Variants in ZMIZ2 observed in about 807,000 individuals in gnomAD.
ZMIZ2 encodes zinc finger MIZ domain-containing protein 2.
ZMIZ2 carries 26 observed loss-of-function variants against 93.9 expected under a neutral mutation model. The ratio of observed to expected loss-of-function variants is 0.28; its 90% confidence interval spans 0.20 to 0.38. The LOEUF (loss-of-function observed/expected upper bound fraction) is 0.38, where lower values mean the gene tolerates loss of function less well. ZMIZ2 is among the 10% of genes least tolerant of loss of function. ZMIZ2 has a pLI of 1.00. For missense variants in ZMIZ2, 1,023 were observed against 1,235.0 expected, an observed-to-expected ratio of 0.83 and a Z score of 2.57; for synonymous variants, 485 against 516.4, an observed-to-expected ratio of 0.94 and a Z score of 0.82.
intron 11 of ZMIZ2, among the ~76,000 whole-genome samples, chr7:44,762,390 A>G (rs1180448083): frequency 6.6e-6 from 1 of 152,214 alleles, no homozygotes; most frequent in Non-Finnish European, 1.5e-5. Flanking sequence ...CGGTTCTAGC[A>G]AGCATCAGGG....
rs1042085481 is a variant in ZMIZ2, at chr7:44,766,893, G to A, written c.2655+230G>A. ...GGGCCTGGATGCCGTACGGGCGGAC[G>A]CAGAGTCTCAGAGGAGACTGCACTG... On this transcript the variant is annotated intron_variant, in intron 18 of 18. Transcript: ENST00000309315. The surrounding 1 kb of genome is among the most constrained non-coding windows in gnomAD (Gnocchi z 4.4). 1.3e-5 allele frequency among the ~76,000 whole-genome samples: 2 copies of A among 152,164 alleles called. No homozygotes were observed. Among genetic ancestry groups the A allele is most frequent in the Non-Finnish European group, 2.9e-5 (2 of 68,032 alleles).
chr7:44,766,729 A>G lies in ZMIZ2; in HGVS notation c.2655+66A>G. The G allele has an allele frequency of 6.3e-7, 1 of 1,587,574 alleles. No homozygotes were observed. Among genetic ancestry groups the G allele is most frequent in the Non-Finnish European group, 8.6e-7 (1 of 1,163,946 alleles). On this transcript the variant is annotated intron_variant, in intron 18 of 18. Transcript: ENST00000309315. The surrounding 1 kb of genome is among the most constrained non-coding windows in gnomAD (Gnocchi z 4.4). ...GGGCTAGAGGTGGTGTGTCTGTTCC[A>G]GGTGCGTTCTGGAAGGGAAGACAGT...
At chr7:44,760,267 C>T (rs7788671) in intron 8 of ZMIZ2, 39 bp downstream of exon 8, 2 of 1,594,782 alleles carry the variant, frequency 1.3e-6, no homozygotes, top group Admixed American at 3.5e-5. Flanking sequence ...GGGAGGCTCA[C>T]AGGGTGGGCA....
chr7:44,767,489 T>A, intron 18 of ZMIZ2, 27 bp from the exon 19 acceptor site: 1 of 1,589,940 alleles, frequency 6.3e-7, no homozygotes, highest in Non-Finnish European at 8.6e-7. Context: ...TGACCAAAGC[T>A]GCTAACAGAG....
Position 44,761,295 on chromosome 7 carries a change from C to A in ZMIZ2, c.1241-154C>A. ...TGCCCATGGCCCCAGCCCCAGGGCA[C>A]CACTCAGGCCTGCCAAGCAGTGCCT... is the stretch of plus-strand genomic sequence containing the variant. On this transcript the variant is annotated intron_variant, in intron 9 of 18. Coordinates refer to ENST00000309315, the MANE Select transcript of ZMIZ2 (RefSeq NM_031449.4). This position sits in a 1 kb window ranked among gnomAD's most constrained non-coding sequence, Gnocchi z 5.8. The A allele has an allele frequency of 1.3e-6, 1 of 760,830 alleles. No homozygotes were observed. The highest frequency in any genetic ancestry group is 1.6e-6 in the Non-Finnish European group (1 of 624,958). 47.1% of individuals were successfully genotyped at this position (760,830 alleles called of 1,614,324 possible). A position where few individuals can be genotyped will look rare whatever the true frequency, so the allele number is the denominator to read the frequency against.
chr7:44,754,095 T>A (rs1364311554), intron 1 of ZMIZ2, among the ~76,000 whole-genome samples: 1 of 152,234 alleles, frequency 6.6e-6, no homozygotes, highest in African/African-American at 2.4e-5. Context: ...AGTCCTAAAA[T>A]CTGTGTATGG....
chr7:44,762,548 T>G (rs2116839255), intron 11 of ZMIZ2, among the ~76,000 whole-genome samples: 1 of 152,310 alleles, frequency 6.6e-6, no homozygotes, highest in Middle Eastern at 3.4e-3. Flanking sequence ...ACTGTGGATG[T>G]GCGAGCAGGG....
In ZMIZ2 at chr7:44,758,015, G is replaced by C. The variant is rs540210224; in HGVS notation, c.720G>C (p.Leu240Phe). 1 of 1,611,972 alleles carries C rather than the reference G, an allele frequency of 6.2e-7. No individual in the cohort carries two copies. The highest frequency in any genetic ancestry group is 1.1e-5 in the South Asian group (1 of 90,390). Residue 240 changes from leucine (L) to phenylalanine (F), a missense_variant, in exon 6 of 19, where the codon TTG becomes TTC. Leu to Phe is a conservative substitution (Grantham distance 22). Around this residue, in one of 3 missense-constraint regions of ZMIZ2, gnomAD observed 656 missense variants for 777.1 expected, o/e 0.84. Coordinates refer to ENST00000309315, the MANE Select transcript of ZMIZ2 (RefSeq NM_031449.4). ...NPTRAAGMTP[L>F]YAGQRLPQHG... Reference sequence around the variant, plus strand: ...CCCGGGCAGCAGGAATGACACCCTTGTATGCAGGGCAGCGTCTGCCCCAAC... The same window carrying C: ...CCCGGGCAGCAGGAATGACACCCTTCTATGCAGGGCAGCGTCTGCCCCAAC...
In ZMIZ2 at chr7:44,757,043, T is replaced by G; in HGVS notation, c.262T>G (p.Cys88Gly). 5 of 1,611,036 alleles carry G rather than the reference T, an allele frequency of 3.1e-6. No homozygotes were observed. Among genetic ancestry groups the G allele is most frequent in the Non-Finnish European group, 4.2e-6 (5 of 1,178,894 alleles). ...GGSSALTSPQ[C>G]LGQQAFAEGG... is the part of the protein sequence containing the mutation. The stretch of plus-strand genomic sequence containing the variant: ...CAGCTCCGCCTTGACCTCCCCACAG[T>G]GCCTGGGACAGCAGGCGTTTGCTGA... Residue 88 changes from cysteine to glycine, a missense_variant, in exon 4 of 19, where the codon TGC becomes GGC. Cys to Gly is a radical substitution (Grantham distance 159). Around this residue, in one of 3 missense-constraint regions of ZMIZ2, gnomAD observed 656 missense variants for 777.1 expected, o/e 0.84. Transcript: ENST00000309315.
intron 14 of ZMIZ2, 33 bp from the exon 15 acceptor site, chr7:44,764,908 G>T: frequency 6.2e-7 from 1 of 1,613,000 alleles, no homozygotes; most frequent in East Asian, 2.2e-5. Context: ...GTTGTGCAAG[G>T]TCTCTGAGCT....
Position 44,763,013 on chromosome 7 carries a change from C to T in ZMIZ2, c.1702+27C>T. On this transcript the variant is annotated intron_variant, in intron 12 of 18. Coordinates refer to ENST00000309315, the MANE Select transcript of ZMIZ2 (RefSeq NM_031449.4). This position sits in a 1 kb window ranked among gnomAD's most constrained non-coding sequence, Gnocchi z 5.6. Reference sequence around the variant, plus strand: ...TGAGTGGCTCCTGCCCCTCAGCTGCCAGGCAGCCATCCCCATTCTGTGTGG... The same window carrying T: ...TGAGTGGCTCCTGCCCCTCAGCTGCTAGGCAGCCATCCCCATTCTGTGTGG... 1 of 1,591,942 alleles carries T rather than the reference C, an allele frequency of 6.3e-7. No individual in the cohort carries two copies. The highest frequency in any genetic ancestry group is 8.6e-7 in the Non-Finnish European group (1 of 1,165,840).
chr7:44,748,596 G>A (rs1445195036), upstream of ZMIZ2: 2 of 152,610 alleles, frequency 1.3e-5, no homozygotes, highest in Non-Finnish European at 2.9e-5. Context: ...CGAGCAGGAA[G>A]AGCGCAGTGG....
chr7:44,758,938 C>T (rs1223935972), intron 6 of ZMIZ2, among the ~76,000 whole-genome samples: 8 of 150,336 alleles, frequency 5.3e-5, no homozygotes, highest in East Asian at 3.9e-4. Context: ...AAAAATTAGC[C>T]GGGCGTGGTG....
rs532673611 is a variant in ZMIZ2 at position 44,761,995 on chromosome 7, T to G, written c.1596+90T>G. On this transcript the variant is annotated intron_variant, in intron 11 of 18. Transcript: ENST00000309315. The surrounding 1 kb of genome is among the most constrained non-coding windows in gnomAD (Gnocchi z 5.8). ...AGCGGTGCCGTGGGGTGGGGCGGGG[T>G]GTGGGCGGGGCCTGGCCCAGCGGCG... The G allele has an allele frequency of 1.5e-4, 37 of 250,522 alleles. No homozygotes were observed. Among genetic ancestry groups the G allele is most frequent in the African/African-American group, 2.0e-4 (6 of 30,500 alleles). The allele number at this position is 250,522 out of a possible 1,614,324, so 15.5% of individuals were successfully genotyped here.
intron 1 of ZMIZ2, among the ~76,000 whole-genome samples, chr7:44,752,747 C>G (rs1790265365): frequency 6.6e-6 from 1 of 152,210 alleles, no homozygotes; most frequent in African/African-American, 2.4e-5. Context: ...TGATTTAACT[C>G]TTCATCCATT....
Position 44,763,571 on chromosome 7 carries a change from G to C in ZMIZ2, c.1860+158G>C. ...CACGCCAAGGAGGCAGGTGGGCCTG[G>C]CTCCCCCAAGACTAGGCTATTTTTT... On this transcript the variant is annotated intron_variant, in intron 13 of 18. Transcript: ENST00000309315. The surrounding 1 kb of genome is among the most constrained non-coding windows in gnomAD (Gnocchi z 5.6). 6 of 958,446 alleles carry C rather than the reference G, an allele frequency of 6.3e-6. No individual in the cohort carries two copies. The highest frequency in any genetic ancestry group is 9.1e-6 in the Non-Finnish European group (6 of 656,910). The allele number at this position is 958,446 out of a possible 1,614,324, so 59.4% of individuals were successfully genotyped here.
In ZMIZ2 at chr7:44,756,959, C is replaced by T. The variant is rs755613971; in HGVS notation, c.178C>T (p.Pro60Ser). The part of the protein sequence containing the change: ...NATQSQVLGN[P>S]MGPAGSPSGS... Reference sequence around the variant, plus strand: ...TGCTTCCTCATAGGTTTTGGGGAACCCCATGGGCCCTGCAGGGAGTCCCTC... The same window carrying T: ...TGCTTCCTCATAGGTTTTGGGGAACTCCATGGGCCCTGCAGGGAGTCCCTC... Residue 60 changes from proline (P) to serine (S), a missense_variant, in exon 4 of 19, where the codon CCC (proline) becomes TCC (serine). Physicochemically the swap from Pro to Ser is moderately conservative, Grantham distance 74. Coordinates refer to ENST00000309315, the MANE Select transcript of ZMIZ2 (RefSeq NM_031449.4). 1.2e-6 allele frequency: 2 copies of T among 1,610,812 alleles called. No individual in the cohort carries two copies. The highest frequency in any genetic ancestry group is 1.7e-6 in the Non-Finnish European group (2 of 1,179,112).
At chr7:44,753,157 C>CA (rs1251922782) in intron 1 of ZMIZ2, among the ~76,000 whole-genome samples, 1 of 151,786 alleles carries the variant, frequency 6.6e-6, no homozygotes, top group African/African-American at 2.4e-5. Context: ...TTCTCTTTGG[C>CA]AAAGTGTCTC....
At chr7:44,751,201 C>T (rs1239155298) in intron 1 of ZMIZ2, 1 of 152,344 alleles carries the variant, frequency 6.6e-6, no homozygotes, top group Non-Finnish European at 1.5e-5. Context: ...GTGGGCTCCT[C>T]CCCTCCTTGT....
Sources: gnomAD v4.1 joint callset for allele counts (sites outside exome capture counted in the v4.1 genomes callset) on GRCh38, gnomAD v4.1.1 for gene constraint, gnomAD v4.1.1 regional missense constraint, Gnocchi (gnomAD v3.1) non-coding constraint, MANE v1.5 for transcripts, NCBI Gene and HGNC (gene_info 2026-07-23, HGNC 2026-07-21) for gene names.